Variants in ST7 observed in about 807,000 individuals in gnomAD.
ST7 encodes the protein suppressor of tumorigenicity 7 protein.
ST7 carries 28 observed loss-of-function variants against 78.7 expected under a neutral mutation model. That is an observed-to-expected ratio of 0.36 (90% confidence interval 0.26 to 0.49). The LOEUF is 0.49. Among genes scored for constraint, ST7 ranks in the 20% least tolerant of loss-of-function variants. The pLI is 0.99. For missense variants in ST7, 418 were observed against 696.0 expected (o/e 0.60, Z 4.49); for synonymous variants, 247 against 249.6 (o/e 0.99, Z 0.10).
chr7:117,110,989 A>G (rs1251715349), intron 2 of ST7, among the ~76,000 whole-genome samples: 1 of 152,222 alleles, frequency 6.6e-6, no homozygotes, highest in African/African-American at 2.4e-5. Context: ...CTGTAGGAAC[A>G]TTTTGAAAGG....
At chr7:117,081,504 C>T (rs1312375087) in intron 1 of ST7, among the ~76,000 whole-genome samples, 1 of 152,038 alleles carries the variant, frequency 6.6e-6, no homozygotes, top group African/African-American at 2.4e-5. Context: ...TTGGCACGAC[C>T]TGTAGCAGAA....
intron 13 of ST7, among the ~76,000 whole-genome samples, chr7:117,214,920 G>C (rs1357559935): frequency 8.7e-6 from 1 of 115,018 alleles, no homozygotes; most frequent in Non-Finnish European, 1.5e-5. Flanking sequence ...TTGTGTGTGT[G>C]TGTGTGTGTG....
chr7:117,102,532 T>A (rs1274438426), intron 2 of ST7, among the ~76,000 whole-genome samples: 1 of 152,158 alleles, frequency 6.6e-6, no homozygotes, highest in Non-Finnish European at 1.5e-5. Flanking sequence ...AAAATTGTGG[T>A]AAGTGCTGAA....
intron 1 of ST7, among the ~76,000 whole-genome samples, chr7:116,973,150 A>G: frequency 6.6e-6 from 1 of 151,514 alleles, no homozygotes; most frequent in Non-Finnish European, 1.5e-5. Flanking sequence ...TTCCTTTGAC[A>G]TACTCCCATG....
At chr7:116,957,697 A>G (rs2116127015) in intron 1 of ST7, among the ~76,000 whole-genome samples, 1 of 152,358 alleles carries the variant, frequency 6.6e-6, no homozygotes. Flanking sequence ...GTAGATTGGC[A>G]CAGTCATGCA....
At chr7:117,183,154 G>A (rs767697709) in intron 10 of ST7, among the ~76,000 whole-genome samples, 51 of 152,010 alleles carry the variant, frequency 3.4e-4, no homozygotes, top group Middle Eastern at 6.8e-3. Context: ...GGCTAGGTGC[G>A]GTGGCTCATG....
chr7:117,118,682 CA>C (rs1164302314), intron 2 of ST7, among the ~76,000 whole-genome samples: 1 of 152,110 alleles, frequency 6.6e-6, no homozygotes, highest in Non-Finnish European at 1.5e-5. Context: ...AACCCCCAGT[CA>C]GGGAGGAGAG....
intron 1 of ST7, chr7:116,956,686 C>T: frequency 2.1e-6 from 1 of 468,734 alleles, no homozygotes; most frequent in South Asian, 1.6e-5. Context: ...TCTTGACCAT[C>T]TGTGACAATT....
chr7:117,172,519 C>T (rs1808076196), intron 10 of ST7, among the ~76,000 whole-genome samples: 2 of 152,176 alleles, frequency 1.3e-5, no homozygotes, highest in Admixed American at 6.5e-5. Context: ...TTGTGGAGCA[C>T]TTTTAAGTAA....
At position 117,164,595 on chromosome 7, in the gene ST7, G is replaced by T. The variant is rs182021088; in HGVS notation, c.964-6267G>T. On this transcript the variant is annotated intron_variant, in intron 9 of 15. Coordinates refer to ENST00000323984, the MANE Select transcript of ST7 (RefSeq NM_001369598.1). The stretch of plus-strand genomic sequence containing the variant: ...TGGCAGAGGTTGGATTTTAATTCAA[G>T]AATAACTTTAAATATAGGACTCTTT... Among the ~76,000 whole-genome samples the T allele has an allele frequency of 1.6e-4, 24 of 152,234 alleles. No individual in the cohort carries two copies. The East Asian group carries it at 1.7e-3, about 11-fold the overall frequency.
intron 1 of ST7, among the ~76,000 whole-genome samples, chr7:116,981,382 T>A (rs192208479): frequency 6.6e-6 from 1 of 152,316 alleles, no homozygotes; most frequent in Admixed American, 6.5e-5. Flanking sequence ...AATGCCAGGA[T>A]TATAGGTATG....
intron 1 of ST7, among the ~76,000 whole-genome samples, chr7:116,960,875 A>G (rs1033417727): frequency 1.3e-5 from 2 of 152,136 alleles, no homozygotes; most frequent in African/African-American, 2.4e-5. Context: ...TGGTGTCTTC[A>G]TCATGAAATC....
chr7:117,170,025 T>G (rs1374054216), intron 9 of ST7, among the ~76,000 whole-genome samples: 1 of 152,164 alleles, frequency 6.6e-6, no homozygotes, highest in Admixed American at 6.5e-5. Flanking sequence ...CGTGTCACTT[T>G]CTAGTTATTT....
At chr7:117,021,260 C>G (rs1795898599) in intron 1 of ST7, among the ~76,000 whole-genome samples, 1 of 152,020 alleles carries the variant, frequency 6.6e-6, no homozygotes, top group Non-Finnish European at 1.5e-5. Flanking sequence ...AGGCCCTGCA[C>G]AATGGGCTAG....
chr7:116,956,477 A>G (rs1320375414), intron 1 of ST7: 1 of 471,162 alleles, frequency 2.1e-6, no homozygotes. Context: ...TGGAGAGGTT[A>G]CTGAATCTGG....
At chr7:117,044,879 G>C (rs934069551) in intron 1 of ST7, among the ~76,000 whole-genome samples, 5 of 152,086 alleles carry the variant, frequency 3.3e-5, no homozygotes, top group African/African-American at 4.8e-5. Flanking sequence ...TCTTCAGCTG[G>C]ATGTCTCACA....
At chr7:117,203,869 A>G (rs1217522038) in intron 12 of ST7, among the ~76,000 whole-genome samples, 1 of 152,168 alleles carries the variant, frequency 6.6e-6, no homozygotes, top group Non-Finnish European at 1.5e-5. Context: ...ATCCTTCCAT[A>G]TCCATGTCCT....
At chr7:117,077,669 C>A (rs1799448197) in intron 1 of ST7, among the ~76,000 whole-genome samples, 1 of 152,006 alleles carries the variant, frequency 6.6e-6, no homozygotes. Context: ...TGAGTTTAAC[C>A]ATTTAGAATG....
chr7:117,007,710 C>A (rs986173845), intron 1 of ST7, among the ~76,000 whole-genome samples: 1 of 152,162 alleles, frequency 6.6e-6, no homozygotes, highest in Non-Finnish European at 1.5e-5. Context: ...GACAGGCTGA[C>A]TGTCTTCTTA....
Sources: gnomAD v4.1 joint callset for allele counts (sites outside exome capture counted in the v4.1 genomes callset) on GRCh38, gnomAD v4.1.1 for gene constraint, MANE v1.5 for transcripts, NCBI Gene and HGNC (gene_info 2026-07-23, HGNC 2026-07-21) for gene names.